Variants in CORO1C observed in about 807,000 individuals in gnomAD.
CORO1C encodes coronin 1C, also known as coronin-1C.
In CORO1C, 14 loss-of-function variants were observed where a neutral mutation model predicts 51.2. That is an observed-to-expected ratio of 0.27 (90% CI 0.18 to 0.43). The LOEUF is 0.43. CORO1C is among the 20% of genes least tolerant of loss of function. The pLI, the probability that CORO1C is intolerant of heterozygous loss-of-function variation, is 1.00. For synonymous variants in CORO1C, 181 were observed against 210.5 expected, an observed-to-expected ratio of 0.86 and a Z score of 1.21; for missense variants, 417 against 607.8, an observed-to-expected ratio of 0.69 and a Z score of 3.30.
intron 2 of CORO1C, among the ~76,000 whole-genome samples, chr12:108,692,836 C>T (rs1181790980): frequency 2.6e-5 from 3 of 116,986 alleles, no homozygotes; most frequent in Non-Finnish European, 3.2e-5. Flanking sequence ...CTTGCTCTGT[C>T]GCCCAGGCTG....
chr12:108,647,852 T>C (rs1216379767), intron 10 of CORO1C, among the ~76,000 whole-genome samples: 2 of 152,198 alleles, frequency 1.3e-5, no homozygotes, highest in Admixed American at 6.5e-5. Context: ...TTCAACAGTG[T>C]CCTACGTCCT....
chr12:108,711,636 C>T (rs899274214), intron 1 of CORO1C, among the ~76,000 whole-genome samples: 1 of 148,226 alleles, frequency 6.7e-6, no homozygotes, highest in Non-Finnish European at 1.5e-5. Context: ...ACCGAGATCG[C>T]GTCACTGCAC....
intron 3 of CORO1C, among the ~76,000 whole-genome samples, chr12:108,667,462 G>A (rs1049234899): frequency 6.6e-6 from 1 of 152,224 alleles, no homozygotes; most frequent in Non-Finnish European, 1.5e-5. Context: ...CAGTGCAGCA[G>A]AGAGTACAAG....
chr12:108,702,213 G>A (rs1361598013), intron 1 of CORO1C, among the ~76,000 whole-genome samples: 5 of 152,200 alleles, frequency 3.3e-5, no homozygotes, highest in African/African-American at 1.2e-4. Flanking sequence ...CAGACTTGAG[G>A]AAGGCCTGGA....
chr12:108,698,605 C>T lies in CORO1C; in HGVS notation c.195+2519G>A, dbSNP rs556117853. ...TATTTTTAGTAGAGACGAGGTTTCA[C>T]CACGTTGTCCAGGCTGGTCTCGAAC... On this transcript the variant is annotated intron_variant, in intron 2 of 10. Coordinates refer to ENST00000261401, the MANE Select transcript of CORO1C (RefSeq NM_014325.4). Among the ~76,000 whole-genome samples the T allele has an allele frequency of 7.2e-5, 11 of 152,332 alleles. No homozygotes were observed. The South Asian group carries it at 2.3e-3, about 32-fold the overall frequency.
chr12:108,726,676 A>G (rs1458036212), intron 1 of CORO1C, among the ~76,000 whole-genome samples: 10 of 151,906 alleles, frequency 6.6e-5, no homozygotes, highest in Non-Finnish European at 5.9e-5. Flanking sequence ...AAAAGAATGA[A>G]AAGAAAGTAC....
intron 6 of CORO1C, among the ~76,000 whole-genome samples, chr12:108,656,211 C>A (rs1233518578): frequency 6.7e-6 from 1 of 149,192 alleles, no homozygotes; most frequent in Non-Finnish European, 1.5e-5. Flanking sequence ...AAGTGAGGAG[C>A]CCCTCCGCCC....
intron 3 of CORO1C, among the ~76,000 whole-genome samples, chr12:108,667,103 T>C (rs2033513194): frequency 6.6e-6 from 1 of 152,208 alleles, no homozygotes; most frequent in African/African-American, 2.4e-5. Context: ...CTACCATATT[T>C]TCATGATGAC....
intron 2 of CORO1C, among the ~76,000 whole-genome samples, chr12:108,679,124 A>G (rs1399650741): frequency 1.9e-4 from 29 of 148,984 alleles, no homozygotes; most frequent in East Asian, 1.7e-3. Flanking sequence ...AAAAAAAAAA[A>G]AAAAAGAAAC....
intron 3 of CORO1C, among the ~76,000 whole-genome samples, chr12:108,662,572 T>C (rs2033318178): frequency 6.6e-6 from 1 of 152,194 alleles, no homozygotes; most frequent in African/African-American, 2.4e-5. Flanking sequence ...TTTGGGATTT[T>C]ATTCTAAATT....
intron 1 of CORO1C, among the ~76,000 whole-genome samples, chr12:108,726,782 C>T (rs2035603837): frequency 6.6e-6 from 1 of 152,176 alleles, no homozygotes; most frequent in Non-Finnish European, 1.5e-5. Context: ...GGCCTGTATG[C>T]ATTTGGTGTG....
intron 2 of CORO1C, among the ~76,000 whole-genome samples, chr12:108,691,953 T>C (rs2034511912): frequency 6.6e-6 from 1 of 152,176 alleles, no homozygotes; most frequent in Non-Finnish European, 1.5e-5. Context: ...TGCCAGGACT[T>C]TGTGCTCCAT....
chr12:108,651,926 A>AAG (rs764819554), intron 8 of CORO1C: 7 of 161,008 alleles, frequency 4.3e-5, no homozygotes, highest in Non-Finnish European at 9.5e-5. Flanking sequence ...TTGGAAGGCT[A>AAG]AGGCAGGAGA....
At chr12:108,657,605 G>GA (rs758414037) in intron 5 of CORO1C, among the ~76,000 whole-genome samples, 182 bp from the exon 6 acceptor site, 14 of 152,216 alleles carry the variant, frequency 9.2e-5, no homozygotes, top group Non-Finnish European at 2.1e-4. Flanking sequence ...ATGTGATCTG[G>GA]TCAAGGTCCC....
In CORO1C at chr12:108,650,925, T is replaced by TA. The variant is rs1047794407; in HGVS notation, c.1001+1346dup. Among the ~76,000 whole-genome samples, 611 of 147,416 alleles carry TA rather than the reference T, an allele frequency of 4.1e-3. 1 individual carries two copies. Among genetic ancestry groups the TA allele is most frequent in the African/African-American group, 6.9e-3 (281 of 40,444 alleles). ...AACAGCTTTCCTTCATTATTCCAAC[T>TA]AAAAAAAAAAAATCACATAGAGAGT... On this transcript the variant is annotated intron_variant, in intron 8 of 10. Coordinates refer to ENST00000261401, the MANE Select transcript of CORO1C (RefSeq NM_014325.4).
Position 108,658,985 on chromosome 12 carries a change from T to C in CORO1C, c.449-66A>G, listed in dbSNP as rs1170702144. On this transcript the variant is annotated intron_variant, in intron 4 of 10. Coordinates refer to ENST00000261401, the MANE Select transcript of CORO1C (RefSeq NM_014325.4). This position sits in a 1 kb window ranked among gnomAD's most constrained non-coding sequence, Gnocchi z 4.9. Reference sequence around the variant, plus strand: ...CACCTATGTAACACACTCAGAAAACTACAGATACAGTGAGAATACACATAT... The same window carrying C: ...CACCTATGTAACACACTCAGAAAACCACAGATACAGTGAGAATACACATAT... 1.1e-5 allele frequency: 16 copies of C among 1,500,910 alleles called. No homozygotes were observed. The highest frequency in any genetic ancestry group is 1.5e-5 in the Non-Finnish European group (16 of 1,096,400). 93.0% of individuals were successfully genotyped at this position (1,500,910 alleles called of 1,614,324 possible). A position where few individuals can be genotyped will look rare whatever the true frequency, so the allele number is the denominator to read the frequency against.
chr12:108,663,154 A>G (rs1294619256), intron 3 of CORO1C, among the ~76,000 whole-genome samples: 1 of 152,258 alleles, frequency 6.6e-6, no homozygotes, highest in Non-Finnish European at 1.5e-5. Context: ...CTAGAATCAA[A>G]AAGACAGATA....
intron 1 of CORO1C, among the ~76,000 whole-genome samples, chr12:108,725,860 G>C (rs946348157): frequency 6.6e-6 from 1 of 152,022 alleles, no homozygotes; most frequent in East Asian, 1.9e-4. Flanking sequence ...GCCCAGGCTG[G>C]AGTGCAACTC....
intron 2 of CORO1C, among the ~76,000 whole-genome samples, chr12:108,693,848 A>G (rs2034578869): frequency 6.6e-6 from 1 of 152,132 alleles, no homozygotes. Context: ...CAGAGGAAAA[A>G]AAAAAACCTG....
Sources: allele counts gnomAD v4.1 joint callset (sites outside exome capture counted in the v4.1 genomes callset), GRCh38; gene constraint gnomAD v4.1.1; non-coding constraint Gnocchi (gnomAD v3.1); transcripts MANE v1.5; gene names NCBI Gene and HGNC (gene_info 2026-07-23, HGNC 2026-07-21).